Variants in AKAP13 observed in about 807,000 individuals in gnomAD.
AKAP13 encodes A-kinase anchoring protein 13, also known as A-kinase anchor protein 13.
Under a neutral mutation model 264.5 loss-of-function variants are expected in AKAP13, and 80 were observed. The ratio of observed to expected loss-of-function variants is 0.30; its 90% CI spans 0.25 to 0.36. The LOEUF is 0.36. Ranked by LOEUF, AKAP13 falls within the 10% of genes least tolerant of loss-of-function variation. The pLI is 1.00. For missense variants in AKAP13, 3,712 were observed against 3,435.2 expected (o/e 1.08, Z -2.01); for synonymous variants, 1,380 against 1,250.2 (o/e 1.10, Z -2.19).
chr15:85,715,359 T>C (rs1456905569), intron 19 of AKAP13, among the ~76,000 whole-genome samples: 1 of 152,184 alleles, frequency 6.6e-6, no homozygotes, highest in African/African-American at 2.4e-5. Context: ...GTCTTTTGCT[T>C]TTACCAATGG....
intron 14 of AKAP13, among the ~76,000 whole-genome samples, chr15:85,673,789 C>T (rs1309453714): frequency 1.4e-5 from 2 of 144,500 alleles, no homozygotes; most frequent in Non-Finnish European, 1.5e-5. Context: ...GGGTTCATGC[C>T]ATTCTCCTGC....
At chr15:85,641,219 G>T (rs1348903448) in intron 9 of AKAP13, among the ~76,000 whole-genome samples, 1 of 151,824 alleles carries the variant, frequency 6.6e-6, no homozygotes, top group African/African-American at 2.4e-5. Context: ...GGCCGAGGCG[G>T]GCAGATCACG....
chr15:85,704,267 TTCTGTGTAGGCAG>T (rs910343998), intron 17 of AKAP13, among the ~76,000 whole-genome samples: 72 of 152,342 alleles, frequency 4.7e-4, no homozygotes, highest in African/African-American at 1.7e-3. Flanking sequence ...GGTGGCTCGT[TTCTGTGTAGGCAG>T]TCCTTTGATA....
chr15:85,615,205 TAA>T (rs2080879982), intron 8 of AKAP13, among the ~76,000 whole-genome samples: 1 of 152,268 alleles, frequency 6.6e-6, no homozygotes, highest in African/African-American at 2.4e-5. Context: ...TAAATTGTCT[TAA>T]GTTTTCTTCT....
At chr15:85,722,413 G>T in intron 25 of AKAP13, 66 bp downstream of exon 25, 1 of 1,321,268 alleles carries the variant, frequency 7.6e-7, no homozygotes, top group South Asian at 1.5e-5. Flanking sequence ...CAGTAGTACT[G>T]GAAGCCCCAT....
chr15:85,426,828 T>C (rs1315120601), intron 1 of AKAP13, among the ~76,000 whole-genome samples: 1 of 152,194 alleles, frequency 6.6e-6, no homozygotes, highest in Non-Finnish European at 1.5e-5. Flanking sequence ...CATAAACATC[T>C]CTAAAGAATT....
intron 1 of AKAP13, among the ~76,000 whole-genome samples, chr15:85,412,865 C>A (rs1244204181): frequency 6.6e-6 from 1 of 152,236 alleles, no homozygotes; most frequent in Non-Finnish European, 1.5e-5. Flanking sequence ...TGACACTGCA[C>A]TGAACACCGT....
intron 1 of AKAP13, among the ~76,000 whole-genome samples, chr15:85,426,031 C>G (rs2072761068): frequency 1.3e-5 from 2 of 152,058 alleles, no homozygotes; most frequent in South Asian, 4.1e-4. Flanking sequence ...AAAGAAGCTC[C>G]AAAAATACTT....
At chr15:85,640,654 A>G (rs1335172825) in intron 9 of AKAP13, among the ~76,000 whole-genome samples, 1 of 152,188 alleles carries the variant, frequency 6.6e-6, no homozygotes, top group East Asian at 1.9e-4. Context: ...TCCCCCATGT[A>G]GCCTCCTAGA....
At chr15:85,454,960 C>T (rs547800715) in intron 1 of AKAP13, among the ~76,000 whole-genome samples, 1 of 152,292 alleles carries the variant, frequency 6.6e-6, no homozygotes, top group East Asian at 1.9e-4. Flanking sequence ...CAATTCCTTT[C>T]TGTGTATGCT....
At chr15:85,653,117 T>C (rs2082938855) in intron 10 of AKAP13, among the ~76,000 whole-genome samples, 1 of 152,182 alleles carries the variant, frequency 6.6e-6, no homozygotes, top group African/African-American at 2.4e-5. Context: ...AGGAAACCCC[T>C]GAGTCCCTCA....
chr15:85,536,989 A>C (rs1004942904), intron 4 of AKAP13: 6 of 152,382 alleles, frequency 3.9e-5, no homozygotes, highest in Admixed American at 2.0e-4. Context: ...AAAATAATAA[A>C]ATAACAAAAG....
chr15:85,477,887 C>T (rs896378183), intron 1 of AKAP13, among the ~76,000 whole-genome samples: 4 of 152,154 alleles, frequency 2.6e-5, no homozygotes, highest in Non-Finnish European at 4.4e-5. Context: ...TCCTTCCCCA[C>T]GATCCCCTGC....
At chr15:85,544,480 A>G (rs1254605098) in intron 5 of AKAP13, among the ~76,000 whole-genome samples, 4 of 152,222 alleles carry the variant, frequency 2.6e-5, no homozygotes, top group Admixed American at 2.6e-4. Context: ...GTTTCTTCAT[A>G]TGAACAGCAA....
chr15:85,506,339 G>A (rs184878201), intron 2 of AKAP13, among the ~76,000 whole-genome samples: 53 of 152,170 alleles, frequency 3.5e-4, no homozygotes, highest in African/African-American at 1.1e-3. Flanking sequence ...AAAGGAATTC[G>A]TGCATTCATT....
At chr15:85,591,771 C>G (rs902473576) in intron 8 of AKAP13, among the ~76,000 whole-genome samples, 3 of 152,202 alleles carry the variant, frequency 2.0e-5, no homozygotes, top group African/African-American at 7.2e-5. Flanking sequence ...AGGACCTTCT[C>G]TCCCTGGGGC....
Position 85,483,642 on chromosome 15 carries a change from A to AACAAAAC in AKAP13, c.-11-2067_-11-2066insCAAAACA, listed in dbSNP as rs765810748. ...AGCGAGACTCCGTCTCAAAAAAAAA[A>AACAAAAC]AAAAAAAAACACCAAAAAATCAGCT... On this transcript the variant is annotated intron_variant, in intron 1 of 36. Transcript: ENST00000394518. Among the ~76,000 whole-genome samples the AACAAAAC allele has an allele frequency of 1.7e-3, 253 of 145,308 alleles. 1 individual carries two copies. The highest frequency in any genetic ancestry group is 5.4e-3 in the African/African-American group (213 of 39,444).
chr15:85,414,235 A>T (rs918634145), intron 1 of AKAP13, among the ~76,000 whole-genome samples: 3 of 152,134 alleles, frequency 2.0e-5, no homozygotes, highest in Non-Finnish European at 4.4e-5. Context: ...ACAGGCTTTG[A>T]CGGGGCAAAT....
intron 2 of AKAP13, among the ~76,000 whole-genome samples, chr15:85,501,137 T>C (rs777929641): frequency 1.3e-4 from 20 of 152,188 alleles, no homozygotes; most frequent in Non-Finnish European, 2.5e-4. Flanking sequence ...CAATCACCTC[T>C]TGTGTTCCTA....
Sources: gnomAD v4.1 joint callset for allele counts (sites outside exome capture counted in the v4.1 genomes callset) on GRCh38, gnomAD v4.1.1 for gene constraint, MANE v1.5 for transcripts, NCBI Gene and HGNC (gene_info 2026-07-23, HGNC 2026-07-21) for gene names.